NKAIN2: variants seen among roughly 807,000 people sequenced by gnomAD.
NKAIN2 encodes the protein sodium/potassium-transporting ATPase subunit beta-1-interacting protein 2.
NKAIN2 carries 14 observed loss-of-function variants against 32.6 expected under a neutral mutation model. The observed-to-expected ratio is 0.43, with a 90% CI of 0.28 to 0.67. NKAIN2 has a LOEUF of 0.67. Among genes scored for constraint, NKAIN2 ranks in the 30% least tolerant of loss-of-function variants. NKAIN2 has a pLI of 0.17. For synonymous variants in NKAIN2, 80 were observed against 87.2 expected, an observed-to-expected ratio of 0.92 and a Z score of 0.46; for missense variants, 198 against 258.3, an observed-to-expected ratio of 0.77 and a Z score of 1.60.
intron 3 of NKAIN2, among the ~76,000 whole-genome samples, chr6:124,408,935 A>G (rs1023386206): frequency 2.0e-5 from 3 of 152,076 alleles, no homozygotes; most frequent in Non-Finnish European, 4.4e-5. Flanking sequence ...TTGGATTCCT[A>G]GGTATTTTAT....
intron 1 of NKAIN2, among the ~76,000 whole-genome samples, chr6:123,915,799 A>T (rs1180698323): frequency 6.6e-6 from 1 of 152,176 alleles, no homozygotes. Context: ...TATATTTTTC[A>T]CATTTTCCTA....
intron 4 of NKAIN2, among the ~76,000 whole-genome samples, chr6:124,748,425 A>G (rs1777553594): frequency 6.6e-6 from 1 of 151,960 alleles, no homozygotes; most frequent in African/African-American, 2.4e-5. Flanking sequence ...GAAAGCTCCC[A>G]TGCTCTCCTG....
chr6:123,890,546 G>C (rs9490988), intron 1 of NKAIN2, among the ~76,000 whole-genome samples: 1 of 151,884 alleles, frequency 6.6e-6, no homozygotes, highest in Non-Finnish European at 1.5e-5. Flanking sequence ...AAGAAGAAAT[G>C]CATGTTGGGT....
chr6:124,045,187 T>G (rs1365815548), intron 1 of NKAIN2, among the ~76,000 whole-genome samples: 2 of 151,800 alleles, frequency 1.3e-5, no homozygotes, highest in Non-Finnish European at 2.9e-5. Context: ...TTCTAATATA[T>G]ATATAGAATG....
intron 1 of NKAIN2, among the ~76,000 whole-genome samples, chr6:124,134,265 CAG>C (rs1786621052): frequency 6.6e-6 from 1 of 152,154 alleles, no homozygotes; most frequent in South Asian, 2.1e-4. Context: ...AAAGATTCAA[CAG>C]TAGACTAGAA....
At chr6:124,783,797 T>G (rs939796208) in intron 4 of NKAIN2, among the ~76,000 whole-genome samples, 2 of 152,152 alleles carry the variant, frequency 1.3e-5, no homozygotes, top group African/African-American at 4.8e-5. Flanking sequence ...AAAGAGCAAG[T>G]AAAAATCATC....
chr6:124,134,355 G>T (rs187447459), intron 1 of NKAIN2, among the ~76,000 whole-genome samples: 1 of 152,160 alleles, frequency 6.6e-6, no homozygotes, highest in Admixed American at 6.5e-5. Flanking sequence ...AAGCCTCAAA[G>T]AAATTTGGGA....
chr6:123,887,381 C>A (rs1374788804), intron 1 of NKAIN2, among the ~76,000 whole-genome samples: 3 of 151,916 alleles, frequency 2.0e-5, no homozygotes, highest in Non-Finnish European at 2.9e-5. Flanking sequence ...CACAAAGTTT[C>A]TTTACAGTAA....
Position 123,804,010 on chromosome 6 carries a change from C to T in NKAIN2, c.-191C>T, listed in dbSNP as rs1327963855. ...GTGTGGCGGGCGCGGCTGGAGCTGC[C>T]GCCGCCGCCGCCGCCGCGCCAGCAG... On this transcript the variant is annotated 5_prime_UTR_variant, in exon 1 of 7. Transcript: ENST00000368417. 1.3e-5 allele frequency: 6 copies of T among 447,056 alleles called. No homozygotes were observed. The highest frequency in any genetic ancestry group is 3.6e-5 in the Admixed American group (1 of 27,480). The allele number at this position is 447,056 out of a possible 1,614,324, so 27.7% of individuals were successfully genotyped here. A position where few individuals can be genotyped will look rare whatever the true frequency, so the allele number is the denominator to read the frequency against.
At chr6:124,585,726 A>C (rs1478091873) in intron 3 of NKAIN2, among the ~76,000 whole-genome samples, 1 of 149,706 alleles carries the variant, frequency 6.7e-6, no homozygotes, top group Non-Finnish European at 1.5e-5. Flanking sequence ...AAAAAGCATA[A>C]GTTATTATTA....
Position 123,929,013 on chromosome 6 carries a change from A to G in NKAIN2, c.54+124759A>G, listed in dbSNP as rs529531406. 1.8e-4 allele frequency among the ~76,000 whole-genome samples: 28 copies of G among 152,212 alleles called. No homozygotes were observed. In the East Asian group the frequency reaches 5.0e-3, roughly 27 times the overall value. ...CAGAAACATTAAAAAACTCCACACT[A>G]CATGTTCCTACCTGGGTTATGTTCC... On this transcript the variant is annotated intron_variant, in intron 1 of 6. Transcript: ENST00000368417.
intron 1 of NKAIN2, among the ~76,000 whole-genome samples, chr6:123,855,550 G>A (rs1229158897): frequency 2.0e-5 from 3 of 152,194 alleles, no homozygotes; most frequent in African/African-American, 7.2e-5. Context: ...ATACTTGTCA[G>A]AGCACCATAT....
At chr6:124,033,216 G>T (rs1781478310) in intron 1 of NKAIN2, among the ~76,000 whole-genome samples, 1 of 152,026 alleles carries the variant, frequency 6.6e-6, no homozygotes. Flanking sequence ...GGTTCTCAGG[G>T]ACTTGTTAAA....
intron 4 of NKAIN2, among the ~76,000 whole-genome samples, chr6:124,676,496 A>T (rs1227928746): frequency 6.6e-6 from 1 of 152,098 alleles, no homozygotes; most frequent in South Asian, 2.1e-4. Flanking sequence ...CATATATTTG[A>T]GTGCTCTGAT....
intron 1 of NKAIN2, among the ~76,000 whole-genome samples, chr6:124,272,880 T>A (rs895702953): frequency 5.9e-5 from 9 of 152,240 alleles, no homozygotes; most frequent in Non-Finnish European, 1.2e-4. Context: ...ATTACAGCCC[T>A]ACTGGGTTTT....
At chr6:123,975,923 C>T (rs6940131) in intron 1 of NKAIN2, among the ~76,000 whole-genome samples, 89,576 of 151,664 alleles carry the variant, frequency 0.59, 28,111 homozygotes, top group African/African-American at 0.82. Flanking sequence ...CTACATGTCG[C>T]GGGAGGGACC....
At chr6:124,431,283 C>A (rs1217636188) in intron 3 of NKAIN2, among the ~76,000 whole-genome samples, 1 of 152,096 alleles carries the variant, frequency 6.6e-6, no homozygotes, top group East Asian at 1.9e-4. Context: ...TGGCCAGATT[C>A]CCACATGTAG....
At chr6:123,903,667 G>A (rs748483890) in intron 1 of NKAIN2, among the ~76,000 whole-genome samples, 2 of 152,108 alleles carry the variant, frequency 1.3e-5, no homozygotes, top group Admixed American at 6.5e-5. Context: ...GTTGTCAGGT[G>A]TACAGTAAGT....
chr6:124,398,134 T>G (rs1220110898), intron 3 of NKAIN2, among the ~76,000 whole-genome samples: 1 of 150,992 alleles, frequency 6.6e-6, no homozygotes, highest in Non-Finnish European at 1.5e-5. Context: ...GCACCTGTAG[T>G]CCCAGCTACT....
Sources: allele counts gnomAD v4.1 joint callset (sites outside exome capture counted in the v4.1 genomes callset), GRCh38; gene constraint gnomAD v4.1.1; transcripts MANE v1.5; gene names NCBI Gene and HGNC (gene_info 2026-07-23, HGNC 2026-07-21).